Variants in GABRR3 observed in about 807,000 individuals in gnomAD.
GABRR3 encodes the protein gamma-aminobutyric acid type A receptor subunit rho3.
Under a neutral mutation model 43.2 loss-of-function variants are expected in GABRR3, and 29 were observed. That is an observed-to-expected ratio of 0.67 (90% CI 0.50 to 0.92). The LOEUF is 0.92. Ranked by LOEUF, GABRR3 falls within the 40% of genes least tolerant of loss-of-function variation. GABRR3 has a pLI of 0.00. For missense variants in GABRR3, 576 were observed against 572.3 expected, an observed-to-expected ratio of 1.01 and a Z score of -0.07; for synonymous variants, 206 against 195.9, an observed-to-expected ratio of 1.05 and a Z score of -0.43.
intron 3 of GABRR3, among the ~76,000 whole-genome samples, chr3:98,024,566 A>T (rs1026386031): frequency 6.6e-6 from 1 of 152,126 alleles, no homozygotes; most frequent in Non-Finnish European, 1.5e-5. Flanking sequence ...CCACATCATG[A>T]GAAGAGTATC....
chr3:97,987,420 G>C (rs973356864), intron 9 of GABRR3, among the ~76,000 whole-genome samples: 3 of 152,176 alleles, frequency 2.0e-5, no homozygotes, highest in African/African-American at 7.2e-5. Flanking sequence ...AAATTTTCTT[G>C]AAGGTTTTAC....
rs545622062 is a variant in GABRR3, at chr3:98,027,329, G to A, written c.126-1650C>T. ...ATAACAATTTCTCAAGAGATCCACC[G>A]GCCTAGAAAATAGTAGACATTTAAT... On this transcript the variant is annotated intron_variant, in intron 2 of 9. Transcript: ENST00000621172. Among the ~76,000 whole-genome samples, 23 of 152,172 alleles carry A rather than the reference G, an allele frequency of 1.5e-4. 1 individual carries two copies. In the East Asian group the frequency reaches 3.1e-3, roughly 20 times the overall value.
chr3:98,001,660 AAACCC>A lies in GABRR3; in HGVS notation c.857_861del (p.Trp286PhefsTer5), dbSNP rs1706644222. The A allele has an allele frequency of 6.2e-7, 1 of 1,613,236 alleles. No homozygotes were observed. The highest frequency in any genetic ancestry group is 8.5e-7 in the Non-Finnish European group (1 of 1,179,472). ...ACAGCTCTTCGGTCAATCCAAAATG[AAACCC>A]ATGAAAGCATCACCATCAATATGGC... On this transcript the variant is annotated frameshift_variant, in exon 8 of 10. Transcript: ENST00000621172. LOFTEE classifies it high-confidence loss of function.
chr3:98,007,300 C>T (rs1439510982), intron 7 of GABRR3, among the ~76,000 whole-genome samples: 1 of 151,914 alleles, frequency 6.6e-6, no homozygotes, highest in Non-Finnish European at 1.5e-5. Flanking sequence ...GAGGACAAGG[C>T]CAAGCAGAGG....
chr3:98,012,890 G>A (rs1329557890), intron 4 of GABRR3, among the ~76,000 whole-genome samples: 2 of 152,090 alleles, frequency 1.3e-5, no homozygotes, highest in African/African-American at 4.8e-5. Flanking sequence ...TCAGAAGAAA[G>A]GAACCTGAAA....
intron 7 of GABRR3, among the ~76,000 whole-genome samples, chr3:98,004,049 T>C (rs1194172692): frequency 6.6e-6 from 1 of 152,154 alleles, no homozygotes; most frequent in Non-Finnish European, 1.5e-5. Flanking sequence ...AGAAAAAGGC[T>C]AGAGAGTTGG....
intron 7 of GABRR3, among the ~76,000 whole-genome samples, chr3:98,004,967 C>T (rs1013569918): frequency 1.3e-5 from 2 of 152,030 alleles, no homozygotes; most frequent in African/African-American, 2.4e-5. Flanking sequence ...ATCACATGCT[C>T]ATGAACTAAA....
rs185523301 is a variant in GABRR3 at position 98,013,178 on chromosome 3, A to C, written c.307-611T>G. On this transcript the variant is annotated intron_variant, in intron 4 of 9. Transcript: ENST00000621172. ...GTAGTTCTCAAAGTTTAGTGTGCAA[A>C]GACTGACTTTTGAAGTTTGTTGAAA... 2.7e-3 allele frequency among the ~76,000 whole-genome samples: 418 copies of C among 152,300 alleles called. 5 individuals are homozygous for C. Among genetic ancestry groups the C allele is most frequent in the African/African-American group, 9.4e-3 (390 of 41,572 alleles).
In GABRR3 at chr3:98,005,087, C is replaced by T. The variant is rs1005955911; in HGVS notation, c.754+2677G>A. Among the ~76,000 whole-genome samples the T allele has an allele frequency of 2.0e-4, 30 of 151,856 alleles. 1 individual carries two copies. Among genetic ancestry groups the T allele is most frequent in the South Asian group, 4.2e-4 (2 of 4,796 alleles). On this transcript the variant is annotated intron_variant, in intron 7 of 9. Coordinates refer to ENST00000621172, the Ensembl canonical transcript of GABRR3. ...ATACAACTTCCAAAATGCCTCCCTT[C>T]GGCATTTTTCCTACCAATCTCTGTC...
chr3:98,016,155 G>A (rs894173541), intron 4 of GABRR3, among the ~76,000 whole-genome samples: 3 of 152,106 alleles, frequency 2.0e-5, no homozygotes, highest in African/African-American at 4.8e-5. Flanking sequence ...CCTCCCACAA[G>A]GTCCCTCCCT....
intron 7 of GABRR3, among the ~76,000 whole-genome samples, chr3:98,003,317 C>T (rs1270336616): frequency 1.3e-5 from 2 of 151,222 alleles, no homozygotes; most frequent in Admixed American, 6.6e-5. Flanking sequence ...AAAAGAAAGA[C>T]AGTATTAAGG....
At chr3:98,035,259 T>C in exon 1 of GABRR3, 13 of 377,718 alleles carry the variant, frequency 3.4e-5, no homozygotes, top group East Asian at 1.5e-4. Context: ...CTTTGGTCCC[T>C]TTTTCCGGGG....
At chr3:97,993,613 A>G (rs539461910) in intron 8 of GABRR3, among the ~76,000 whole-genome samples, 2 of 152,334 alleles carry the variant, frequency 1.3e-5, no homozygotes, top group Admixed American at 6.5e-5. Context: ...TAATGAAACT[A>G]CAGTTCCATT....
At position 98,009,017 on chromosome 3, in the gene GABRR3, G is replaced by A. The variant is rs776557838; in HGVS notation, c.552C>T (p.Cys184=). The change falls in exon 6 of 10, where the codon TGC becomes TGT. Residue 184 remains cysteine (C), a synonymous_variant. Coordinates refer to ENST00000621172, the Ensembl canonical transcript of GABRR3. ...GAGGAAACCTGCTGAAATCCATAAA[G>A]CACATGGCCGAAACCGTTATCCTAT... The A allele has an allele frequency of 4.8e-5, 77 of 1,606,302 alleles. No homozygotes were observed. The East Asian group carries it at 1.4e-3, about 29-fold the overall frequency.
intron 8 of GABRR3, chr3:98,001,357 C>G (rs1310942726): frequency 9.0e-6 from 4 of 443,268 alleles, no homozygotes. Context: ...TTCATAATTT[C>G]ACCCCCTTTC....
chr3:97,997,553 A>C (rs894668128), intron 8 of GABRR3: 4 of 152,248 alleles, frequency 2.6e-5, no homozygotes, highest in African/African-American at 7.2e-5. Flanking sequence ...TTCTGTAAGC[A>C]TAAACACTCA....
At chr3:98,030,733 T>A (rs1354585437) in intron 2 of GABRR3, among the ~76,000 whole-genome samples, 1 of 152,228 alleles carries the variant, frequency 6.6e-6, no homozygotes, top group Non-Finnish European at 1.5e-5. Context: ...GGCCTCTTGA[T>A]AACATGGACG....
chr3:97,988,768 C>T (rs1270372405), intron 9 of GABRR3, among the ~76,000 whole-genome samples: 1 of 146,800 alleles, frequency 6.8e-6, no homozygotes, highest in East Asian at 2.0e-4. Flanking sequence ...GTAGATGGTG[C>T]TCATGATGGT....
At chr3:98,019,977 G>A (rs1262040908) in intron 3 of GABRR3, among the ~76,000 whole-genome samples, 1 of 152,154 alleles carries the variant, frequency 6.6e-6, no homozygotes, top group Non-Finnish European at 1.5e-5. Context: ...TTTTACGTGT[G>A]TGTGCCTTTT....
Sources: allele counts gnomAD v4.1 joint callset (sites outside exome capture counted in the v4.1 genomes callset), GRCh38; gene constraint gnomAD v4.1.1; transcripts MANE v1.5; gene names NCBI Gene and HGNC (gene_info 2026-07-23, HGNC 2026-07-21).